Variants in GCFC2 observed in about 807,000 individuals in gnomAD.
GCFC2 encodes GC-rich sequence DNA-binding factor 2.
GCFC2 carries 102 observed loss-of-function variants against 99.4 expected under a neutral mutation model. The ratio of observed to expected loss-of-function variants is 1.03; its 90% confidence interval spans 0.87 to 1.21. The LOEUF (loss-of-function observed/expected upper bound fraction) is 1.21, where lower values mean the gene tolerates loss of function less well. Ranked by LOEUF, GCFC2 falls within the 50% of genes most tolerant of loss-of-function variation. The pLI is 0.00. For synonymous variants in GCFC2, 338 were observed against 316.8 expected, an observed-to-expected ratio of 1.07 and a Z score of -0.71; for missense variants, 973 against 920.9, an observed-to-expected ratio of 1.06 and a Z score of -0.73.
At chr2:75,676,181 T>G (rs1679330477) in intron 12 of GCFC2, among the ~76,000 whole-genome samples, 1 of 152,180 alleles carries the variant, frequency 6.6e-6, no homozygotes, top group South Asian at 2.1e-4. Context: ...AAAAAATGAG[T>G]CTGAAAATCT....
At chr2:75,678,995 G>C (rs1679459471) in intron 12 of GCFC2, among the ~76,000 whole-genome samples, 1 of 152,286 alleles carries the variant, frequency 6.6e-6, no homozygotes, top group Middle Eastern at 3.4e-3. Flanking sequence ...CATACCTGGC[G>C]ATCACCCATT....
At chr2:75,684,992 CAT>C (rs1045459385) in intron 11 of GCFC2, among the ~76,000 whole-genome samples, 11 of 152,122 alleles carry the variant, frequency 7.2e-5, no homozygotes, top group Non-Finnish European at 1.5e-4. Context: ...CGTTCTCACT[CAT>C]AAGTGGGAGC....
chr2:75,695,206 T>C (rs1214980384), intron 5 of GCFC2, among the ~76,000 whole-genome samples: 1 of 152,156 alleles, frequency 6.6e-6, no homozygotes, highest in East Asian at 1.9e-4. Flanking sequence ...TTGGAACACA[T>C]ACATGCTTAT....
At chr2:75,687,791 AAAT>A in intron 11 of GCFC2, 33 bp downstream of exon 11, 1 of 1,531,814 alleles carries the variant, frequency 6.5e-7, no homozygotes, top group Non-Finnish European at 8.9e-7. Context: ...CTCTGTCAGA[AAAT>A]AATTTAATTT....
intron 4 of GCFC2, among the ~76,000 whole-genome samples, chr2:75,700,495 GTC>G (rs1483580778): frequency 6.6e-6 from 1 of 152,072 alleles, no homozygotes; most frequent in Non-Finnish European, 1.5e-5. Flanking sequence ...GCGGTGAGAT[GTC>G]TCTGTTGTAT....
upstream of GCFC2, among the ~76,000 whole-genome samples, chr2:75,712,469 C>T (rs530004939): frequency 2.0e-5 from 3 of 152,162 alleles, no homozygotes; most frequent in East Asian, 1.9e-4. Flanking sequence ...GCACCAATCA[C>T]GGCCCTGTCA....
chr2:75,695,314 ATCCAG>A (rs552607263), intron 5 of GCFC2, among the ~76,000 whole-genome samples: 2,104 of 152,276 alleles, frequency 0.014, 49 homozygotes, highest in African/African-American at 0.042. Flanking sequence ...AATATTTACT[ATCCAG>A]CCTTTTACAC....
intron 13 of GCFC2, among the ~76,000 whole-genome samples, chr2:75,673,081 C>T (rs1986239): frequency 0.19 from 29,205 of 151,750 alleles, 3,503 homozygotes; most frequent in South Asian, 0.3. Flanking sequence ...GAGGCCAAGG[C>T]GGGCGGATCA....
chr2:75,711,783 T>C (rs917553065), upstream of GCFC2, among the ~76,000 whole-genome samples: 3 of 152,354 alleles, frequency 2.0e-5, no homozygotes, highest in Non-Finnish European at 4.4e-5. Flanking sequence ...TGTGCTCGAT[T>C]TCTCGCCGGG....
intron 11 of GCFC2, among the ~76,000 whole-genome samples, chr2:75,683,948 A>G (rs1679701057): frequency 6.6e-6 from 1 of 152,168 alleles, no homozygotes; most frequent in South Asian, 2.1e-4. Context: ...TACGCACCCA[A>G]TACAGCAGCA....
chr2:75,680,767 A>AT (rs1679539262), intron 11 of GCFC2, among the ~76,000 whole-genome samples: 1 of 151,636 alleles, frequency 6.6e-6, no homozygotes, highest in Non-Finnish European at 1.5e-5. Context: ...TTCCTACTTT[A>AT]TTTTTTCTAC....
intron 11 of GCFC2, among the ~76,000 whole-genome samples, chr2:75,685,799 G>C (rs1037314746): frequency 6.6e-6 from 1 of 152,010 alleles, no homozygotes; most frequent in South Asian, 2.1e-4. Flanking sequence ...TGTCCACTTA[G>C]ATTACAGGTA....
intron 7 of GCFC2, 141 bp from the exon 8 acceptor site, chr2:75,690,860 T>C (rs1046446217): frequency 2.3e-5 from 13 of 557,868 alleles, no homozygotes; most frequent in Admixed American, 7.2e-5. Flanking sequence ...TGCAATTAAT[T>C]ATGCAATGAC....
chr2:75,702,278 A>T lies in GCFC2; in HGVS notation c.540T>A (p.Ser180Arg). The change falls in exon 3 of 17, where the codon AGT becomes AGA. Residue 180 changes from serine (S) to arginine (R), a missense_variant. By Grantham distance (110) the Ser-to-Arg change is moderately radical. Transcript: ENST00000321027. ...TTCTCTTTTCATGGTCATCAGGCTC[A>T]CTCTCAGGGTCATCTTCGCTCTCTC... ...MKRESEDDPESEPDDHEKRIP... is the reference protein window; with the variant it reads ...MKRESEDDPEREPDDHEKRIP... 6.2e-7 allele frequency: 1 copy of T among 1,613,516 alleles called. No individual in the cohort carries two copies.
upstream of GCFC2, among the ~76,000 whole-genome samples, chr2:75,711,441 C>T (rs896436931): frequency 6.6e-6 from 1 of 152,226 alleles, no homozygotes; most frequent in Admixed American, 6.5e-5. Context: ...TAAATGTTTT[C>T]ACCCTTAAAG....
chr2:75,680,543 T>A (rs534192689), intron 11 of GCFC2, among the ~76,000 whole-genome samples: 1 of 152,346 alleles, frequency 6.6e-6, no homozygotes, highest in South Asian at 2.1e-4. Context: ...AAGTTCACCT[T>A]GTCACTGAGT....
At position 75,682,007 on chromosome 2, in the gene GCFC2, G is replaced by A. The variant is rs998574686; in HGVS notation, c.1691-1693C>T. Among the ~76,000 whole-genome samples, 29 of 151,944 alleles carry A rather than the reference G, an allele frequency of 1.9e-4. 2 individuals carry two copies. The highest frequency in any genetic ancestry group is 6.8e-4 in the African/African-American group (28 of 41,196). On this transcript the variant is annotated intron_variant, in intron 11 of 16. Coordinates refer to ENST00000321027, the MANE Select transcript of GCFC2 (RefSeq NM_003203.5). ...AGAGCACCTGGGGAAAGGGGTGGCT[G>A]TGGGCGCAGCTTCAGCAGACTTAAA...
chr2:75,666,185 C>T, intron 15 of GCFC2, 132 bp from the exon 16 acceptor site: 1 of 629,186 alleles, frequency 1.6e-6, no homozygotes, highest in Non-Finnish European at 2.5e-6. Context: ...ATAAAAATTT[C>T]TAAAGATTTC....
intron 15 of GCFC2, 23 bp from the exon 16 acceptor site, chr2:75,666,076 G>A (rs1678825006): frequency 6.3e-7 from 1 of 1,576,358 alleles, no homozygotes; most frequent in Non-Finnish European, 8.6e-7. Context: ...ACACATGGCT[G>A]GTTTACAATG....
Sources: allele counts gnomAD v4.1 joint callset (sites outside exome capture counted in the v4.1 genomes callset), GRCh38; gene constraint gnomAD v4.1.1; transcripts MANE v1.5; gene names NCBI Gene and HGNC (gene_info 2026-07-23, HGNC 2026-07-21).